Variants in SUMF1 observed in about 807,000 individuals in gnomAD.
SUMF1 encodes the protein formylglycine-generating enzyme.
A neutral mutation model predicts 47.6 loss-of-function variants in SUMF1; 48 were observed. The ratio of observed to expected loss-of-function variants is 1.01; its 90% CI spans 0.80 to 1.28. The LOEUF (loss-of-function observed/expected upper bound fraction) is 1.28. SUMF1 is among the 50% of genes most tolerant of loss of function. SUMF1 has a pLI of 0.00. For missense variants in SUMF1, 571 were observed against 485.4 expected, an observed-to-expected ratio of 1.18 and a Z score of -1.66; for synonymous variants, 230 against 192.1, an observed-to-expected ratio of 1.20 and a Z score of -1.63.
chr3:4,437,309 G>A (rs146578284), intron 3 of SUMF1, among the ~76,000 whole-genome samples: 21 of 152,238 alleles, frequency 1.4e-4, no homozygotes, highest in Non-Finnish European at 2.9e-4. Context: ...CAACAGAAAA[G>A]TTAATGGAAT....
chr3:4,288,717 G>T (rs1274497590), intron 8 of SUMF1, among the ~76,000 whole-genome samples: 3 of 151,772 alleles, frequency 2.0e-5, no homozygotes, highest in Non-Finnish European at 4.4e-5. Context: ...CAGGAGAATT[G>T]CTTGAAACCT....
chr3:4,201,844 T>C (rs1695547203), intron 8 of SUMF1, among the ~76,000 whole-genome samples: 2 of 152,046 alleles, frequency 1.3e-5, no homozygotes, highest in African/African-American at 2.4e-5. Flanking sequence ...TGATATCCCA[T>C]TGTAATTTTA....
intron 8 of SUMF1, among the ~76,000 whole-genome samples, chr3:4,310,407 A>C (rs1698358545): frequency 6.6e-6 from 1 of 152,220 alleles, no homozygotes; most frequent in Non-Finnish European, 1.5e-5. Context: ...CTGAAATGAT[A>C]TTTTATTGAC....
chr3:4,042,268 C>G (rs317578), intron 9 of SUMF1, among the ~76,000 whole-genome samples: 132,477 of 152,212 alleles, frequency 0.87, 60,516 homozygotes, highest in Non-Finnish European at 1. Context: ...ATTATGTCAC[C>G]TGATCTTTAT....
At chr3:4,217,758 T>G (rs1432476223) in intron 8 of SUMF1, among the ~76,000 whole-genome samples, 9 of 150,950 alleles carry the variant, frequency 6.0e-5, no homozygotes, top group Admixed American at 5.3e-4. Flanking sequence ...TTAGCTATTT[T>G]TTTTTAAAAC....
chr3:4,274,680 A>G (rs1193647868), intron 8 of SUMF1, among the ~76,000 whole-genome samples: 3 of 152,202 alleles, frequency 2.0e-5, no homozygotes, highest in Non-Finnish European at 4.4e-5. Flanking sequence ...ACTGTAAAAC[A>G]TCCTGGGAAG....
intron 8 of SUMF1, among the ~76,000 whole-genome samples, chr3:4,103,686 T>TA (rs1266291348): frequency 6.6e-6 from 1 of 152,110 alleles, no homozygotes; most frequent in Non-Finnish European, 1.5e-5. Flanking sequence ...TGGATACACT[T>TA]ACTATGTATC....
intron 8 of SUMF1, among the ~76,000 whole-genome samples, chr3:4,182,114 C>T (rs1314217496): frequency 2.0e-5 from 3 of 152,078 alleles, no homozygotes; most frequent in African/African-American, 7.2e-5. Flanking sequence ...CCTAGAGATT[C>T]CTATTCAAGA....
chr3:4,172,359 T>G (rs1694850351), intron 8 of SUMF1, among the ~76,000 whole-genome samples: 1 of 152,126 alleles, frequency 6.6e-6, no homozygotes, highest in African/African-American at 2.4e-5. Flanking sequence ...CGTTGAGTTT[T>G]TAATGTCTAT....
intron 8 of SUMF1, among the ~76,000 whole-genome samples, chr3:4,137,055 A>T (rs1436149349): frequency 0.027 from 4,038 of 151,798 alleles, 87 homozygotes; most frequent in African/African-American, 0.047. Flanking sequence ...ATTGTGGAAG[A>T]CAGTGTGGCG....
intron 8 of SUMF1, among the ~76,000 whole-genome samples, chr3:4,266,016 G>C (rs1697186835): frequency 1.3e-5 from 2 of 151,994 alleles, no homozygotes; most frequent in African/African-American, 4.8e-5. Flanking sequence ...TTTTTCTCAG[G>C]TTTGTCAAAG....
intron 8 of SUMF1, among the ~76,000 whole-genome samples, chr3:4,278,836 TA>T (rs1404539096): frequency 6.6e-6 from 1 of 152,088 alleles, no homozygotes; most frequent in Non-Finnish European, 1.5e-5. Context: ...GGTGGAACAA[TA>T]AAAACTTCTA....
intron 8 of SUMF1, among the ~76,000 whole-genome samples, chr3:4,265,133 T>G (rs1433864439): frequency 4.2e-5 from 3 of 71,226 alleles, no homozygotes; most frequent in Non-Finnish European, 7.0e-5. Context: ...CGAGACTCCA[T>G]CTCAAAAAAA....
intron 7 of SUMF1, among the ~76,000 whole-genome samples, chr3:4,378,806 A>G (rs1700407845): frequency 6.6e-6 from 1 of 152,200 alleles, no homozygotes; most frequent in Non-Finnish European, 1.5e-5. Flanking sequence ...CTCTGTTACA[A>G]TGTATCAAAT....
chr3:4,211,121 T>TATATACAC (rs150373609), intron 8 of SUMF1, among the ~76,000 whole-genome samples: 3 of 128,296 alleles, frequency 2.3e-5, no homozygotes, highest in African/African-American at 9.0e-5. Flanking sequence ...TATATATATA[T>TATATACAC]ACACACACAC....
chr3:4,348,852 G>A (rs544517545), intron 8 of SUMF1, among the ~76,000 whole-genome samples: 2 of 152,306 alleles, frequency 1.3e-5, no homozygotes, highest in South Asian at 2.1e-4. Context: ...TCCAGCCTGG[G>A]CAACAAGAGC....
intron 6 of SUMF1, among the ~76,000 whole-genome samples, chr3:4,413,850 A>C (rs1468296674): frequency 1.3e-5 from 2 of 151,548 alleles, no homozygotes; most frequent in African/African-American, 4.9e-5. Flanking sequence ...ACACAATGAG[A>C]CCTCACCTCC....
intron 8 of SUMF1, among the ~76,000 whole-genome samples, chr3:4,172,485 A>G (rs1694853786): frequency 6.6e-6 from 1 of 152,158 alleles, no homozygotes; most frequent in African/African-American, 2.4e-5. Flanking sequence ...TTCCTTATAC[A>G]ACTCATTTAA....
intron 4 of SUMF1, among the ~76,000 whole-genome samples, chr3:4,419,281 T>C (rs773484004): frequency 3.9e-5 from 6 of 152,156 alleles, no homozygotes; most frequent in Non-Finnish European, 7.4e-5. Context: ...CGGCTTCCAA[T>C]TGAGGCTTTG....
Sources: allele counts gnomAD v4.1 joint callset (sites outside exome capture counted in the v4.1 genomes callset), GRCh38; gene constraint gnomAD v4.1.1; transcripts MANE v1.5; gene names NCBI Gene and HGNC (gene_info 2026-07-23, HGNC 2026-07-21).